The following KLHL9 variants were observed in gnomAD, a reference collection of about 807,000 sequenced individuals.
KLHL9 encodes kelch like family member 9.
A neutral mutation model predicts 42.3 loss-of-function variants in KLHL9; 27 were observed. The observed-to-expected ratio is 0.64, with a 90% CI of 0.47 to 0.88. The LOEUF (loss-of-function observed/expected upper bound fraction) is 0.88, where lower values mean the gene tolerates loss of function less well. KLHL9 is among the 40% of genes least tolerant of loss of function. The pLI is 0.00. For missense variants in KLHL9, 629 were observed against 750.3 expected (o/e 0.84, Z 1.89); for synonymous variants, 274 against 254.4 (o/e 1.08, Z -0.73).
rs1820225518 is a variant in KLHL9, at chr9:21,334,232, A to C, written c.628T>G (p.Cys210Gly). Residue 210 changes from cysteine (C) to glycine (G), a missense_variant, in exon 1 of 1, where the codon TGT (cysteine) becomes GGT (glycine). Coordinates refer to ENST00000359039, the MANE Select transcript of KLHL9 (RefSeq NM_018847.4). This position sits in a 1 kb window ranked among gnomAD's most constrained non-coding sequence, Gnocchi z 5.1. ...GCCTTAAAGAGTTCAAGTTCGGTAC[A>C]GTGCTTAAGACTATTACTGGAAAGC... is the stretch of plus-strand genomic sequence containing the variant. Reference protein sequence around the residue: ...FVLSSNSLKHCTELELFKAAC... With the variant: ...FVLSSNSLKHGTELELFKAAC... The C allele has an allele frequency of 1.2e-6, 2 of 1,614,204 alleles. No individual in the cohort carries two copies. The highest frequency in any genetic ancestry group is 4.5e-5 in the East Asian group (2 of 44,890).
Position 21,332,761 on chromosome 9 carries a change from T to C in KLHL9, c.*245A>G, listed in dbSNP as rs1167029961. 5 of 520,200 alleles carry C rather than the reference T, an allele frequency of 9.6e-6. No homozygotes were observed. Among genetic ancestry groups the C allele is most frequent in the Non-Finnish European group, 1.6e-5 (5 of 307,528 alleles). The allele number at this position is 520,200 out of a possible 1,614,324, so 32.2% of individuals were successfully genotyped here. On this transcript the variant is annotated 3_prime_UTR_variant, in exon 1 of 1. Coordinates refer to ENST00000359039, the MANE Select transcript of KLHL9 (RefSeq NM_018847.4). ...TACCACAGTCATCTACAATTTTATA[T>C]AACATCACAAAAAGACATCTAAACA...
In KLHL9 at chr9:21,334,170, C is replaced by T. The variant is rs756220127; in HGVS notation, c.690G>A (p.Met230Ile). 3.7e-6 allele frequency: 6 copies of T among 1,614,072 alleles called. No individual in the cohort carries two copies. The highest frequency in any genetic ancestry group is 5.1e-6 in the Non-Finnish European group (6 of 1,180,052). ...CRWLRLEDPR[M>I]DYAAKLMKNI... ...TCTTCATTAACTTTGCAGCATAATCCATCCGAGGGTCTTCCAACCTTAGCC... is the reference window on the plus strand; with the variant it reads ...TCTTCATTAACTTTGCAGCATAATCTATCCGAGGGTCTTCCAACCTTAGCC... Residue 230 changes from methionine to isoleucine, a missense_variant, in exon 1 of 1, where the codon ATG becomes ATA. Met to Ile is a conservative substitution (Grantham distance 10, BLOSUM62 1). This residue lies in a region of KLHL9 where 351 missense variants were observed against 363.1 expected (regional missense o/e 0.97). Transcript: ENST00000359039. This position sits in a 1 kb window ranked among gnomAD's most constrained non-coding sequence, Gnocchi z 5.1.
At position 21,332,742 on chromosome 9, in the gene KLHL9, A is replaced by C. The variant is rs1466598843; in HGVS notation, c.*264T>G. On this transcript the variant is annotated 3_prime_UTR_variant, in exon 1 of 1. Transcript: ENST00000359039. ...ATGGACATAATTACACATTTACCAC[A>C]GTCATCTACAATTTTATATAACATC... The C allele has an allele frequency of 2.2e-6, 1 of 448,744 alleles. No homozygotes were observed. Among genetic ancestry groups the C allele is most frequent in the Non-Finnish European group, 3.9e-6 (1 of 257,348 alleles). The allele number at this position is 448,744 out of a possible 1,614,324, so 27.8% of individuals were successfully genotyped here. A position where few individuals can be genotyped will look rare whatever the true frequency, so the allele number is the denominator to read the frequency against.
chr9:21,333,119 G>T lies in KLHL9; in HGVS notation c.1741C>A (p.Pro581Thr). The change falls in exon 1 of 1, where the codon CCA becomes ACA. Residue 581 changes from proline (P) to threonine (T), a missense_variant. Around this residue, in one of 4 missense-constraint regions of KLHL9, gnomAD observed 61 missense variants for 63.5 expected, o/e 0.96. Coordinates refer to ENST00000359039, the MANE Select transcript of KLHL9 (RefSeq NM_018847.4). This position sits in a 1 kb window ranked among gnomAD's most constrained non-coding sequence, Gnocchi z 7.5. ...GCTCGAATGCCACCAAGTGACTCTG[G>T]AAGATCAAAAACTTTATGCCACTCA... ...KDEWHKVFDL[P>T]ESLGGIRACT... is the part of the protein sequence containing the mutation. 1 of 1,614,132 alleles carries T rather than the reference G, an allele frequency of 6.2e-7. No homozygotes were observed. Among genetic ancestry groups the T allele is most frequent in the Non-Finnish European group, 8.5e-7 (1 of 1,180,008 alleles).
At position 21,330,914 on chromosome 9, in the gene KLHL9, C is replaced by A. The variant is rs1175100018; in HGVS notation, c.*2092G>T. Reference sequence around the variant, plus strand: ...CTCCAGACTGCACAACAGTGAGACCCTGTCTCAAAAAAAAAAAAAGACAAA... The same window carrying A: ...CTCCAGACTGCACAACAGTGAGACCATGTCTCAAAAAAAAAAAAAGACAAA... On this transcript the variant is annotated 3_prime_UTR_variant, in exon 1 of 1. Transcript: ENST00000359039. 1 of 150,682 alleles carries A rather than the reference C, an allele frequency of 6.6e-6. No individual in the cohort carries two copies. The highest frequency in any genetic ancestry group is 2.0e-4 in the East Asian group (1 of 5,094). The allele number at this position is 150,682 out of a possible 1,614,324, so 9.3% of individuals were successfully genotyped here.
At position 21,332,988 on chromosome 9, in the gene KLHL9, A is replaced by C. The variant is rs932509381; in HGVS notation, c.*18T>G. On this transcript the variant is annotated 3_prime_UTR_variant, in exon 1 of 1. Coordinates refer to ENST00000359039, the MANE Select transcript of KLHL9 (RefSeq NM_018847.4). ...TTAGATCACCCATGACGTACTGCAA[A>C]GGTGTTACACCTTAGACCTAAGAAT... 6.2e-7 allele frequency: 1 copy of C among 1,614,016 alleles called. No homozygotes were observed.
At position 21,335,170 on chromosome 9, in the gene KLHL9, C is replaced by A. The variant is rs999202335; in HGVS notation, c.-311G>T. On this transcript the variant is annotated 5_prime_UTR_variant, in exon 1 of 1. Transcript: ENST00000359039. ...GCTCCTTCAGCAGTTCCGCTTCGGG[C>A]AAGGAAGAGGCGCCGCCACGTACTG... 4.7e-5 allele frequency: 24 copies of A among 514,550 alleles called. No individual in the cohort carries two copies. Among genetic ancestry groups the A allele is most frequent in the Admixed American group, 3.7e-5 (1 of 26,760 alleles). The allele number at this position is 514,550 out of a possible 1,614,324, so 31.9% of individuals were successfully genotyped here.
At position 21,333,461 on chromosome 9, in the gene KLHL9, C is replaced by G; in HGVS notation, c.1399G>C (p.Asp467His). The G allele has an allele frequency of 1.9e-6, 3 of 1,614,184 alleles. No individual in the cohort carries two copies. Among genetic ancestry groups the G allele is most frequent in the Non-Finnish European group, 1.7e-6 (2 of 1,180,030 alleles). The change falls in exon 1 of 1, where the codon GAC becomes CAC. Residue 467 changes from aspartate to histidine, a missense_variant. Around this residue, in one of 4 missense-constraint regions of KLHL9, gnomAD observed 214 missense variants for 305.8 expected, o/e 0.70. Transcript: ENST00000359039. This position sits in a 1 kb window ranked among gnomAD's most constrained non-coding sequence, Gnocchi z 7.5. ...TGCATCCATTTATCTGTATCTGGGT[C>G]AAAACACATGAGCTCATTTTGGAAA... ...DTFQNELMCF[D>H]PDTDKWMQKA...
rs759627583 is a variant in KLHL9, at chr9:21,334,374, G to A, written c.486C>T (p.Asn162=). The A allele has an allele frequency of 1.2e-6, 2 of 1,613,540 alleles. No individual in the cohort carries two copies. Among genetic ancestry groups the A allele is most frequent in the Non-Finnish European group, 1.7e-6 (2 of 1,179,756 alleles). The change falls in exon 1 of 1, where the codon AAC becomes AAT. Residue 162 remains asparagine (N), a synonymous_variant. Coordinates refer to ENST00000359039, the MANE Select transcript of KLHL9 (RefSeq NM_018847.4). This position sits in a 1 kb window ranked among gnomAD's most constrained non-coding sequence, Gnocchi z 5.1. ...DNCVEVGRIA[N]TYNLIEVDKY... is the part of the protein sequence containing the mutation. ...TATCCACTTCTATAAGATTGTAGGT[G>A]TTAGCAATTCGTCCAACCTCAACAC...
At position 21,330,397 on chromosome 9, in the gene KLHL9, A is replaced by G. The variant is rs1055038418; in HGVS notation, c.*2609T>C. On this transcript the variant is annotated 3_prime_UTR_variant, in exon 1 of 1. Transcript: ENST00000359039. ...CTCAAAAAGTTTTAAATTTTGGAGC[A>G]ATTTGGATTTTTGGATTAGGGCTGC... The G allele has an allele frequency of 6.6e-6, 1 of 152,142 alleles. No individual in the cohort carries two copies. The highest frequency in any genetic ancestry group is 1.9e-4 in the East Asian group (1 of 5,192). The allele number at this position is 152,142 out of a possible 1,614,324, so 9.4% of individuals were successfully genotyped here. A position where few individuals can be genotyped will look rare whatever the true frequency, so the allele number is the denominator to read the frequency against.
Position 21,332,848 on chromosome 9 carries a change from T to C in KLHL9, c.*158A>G, listed in dbSNP as rs1306703850. The C allele has an allele frequency of 9.0e-7, 1 of 1,116,122 alleles. No homozygotes were observed. Among genetic ancestry groups the C allele is most frequent in the Non-Finnish European group, 1.2e-6 (1 of 813,588 alleles). 69.1% of individuals were successfully genotyped at this position (1,116,122 alleles called of 1,614,324 possible). ...ATGTTAAATACATTTTCAGAATGCA[T>C]TTGTTAGCCACTTGATAAACATACT... On this transcript the variant is annotated 3_prime_UTR_variant, in exon 1 of 1. Transcript: ENST00000359039.
At position 21,335,181 on chromosome 9, in the gene KLHL9, CGCCGCCACGTACTGTG is replaced by C; in HGVS notation, c.-338_-323del. On this transcript the variant is annotated 5_prime_UTR_variant, in exon 1 of 1. Coordinates refer to ENST00000359039, the MANE Select transcript of KLHL9 (RefSeq NM_018847.4). ...AGTTCCGCTTCGGGCAAGGAAGAGG[CGCCGCCACGTACTGTG>C]GCTCCACGGCCCGCTCGGCGGCGGG... The C allele has an allele frequency of 3.9e-6, 2 of 511,816 alleles. No individual in the cohort carries two copies. The highest frequency in any genetic ancestry group is 7.0e-6 in the Non-Finnish European group (2 of 283,936). 31.7% of individuals were successfully genotyped at this position (511,816 alleles called of 1,614,324 possible). A position where few individuals can be genotyped will look rare whatever the true frequency, so the allele number is the denominator to read the frequency against.
chr9:21,332,808 T>A lies in KLHL9; in HGVS notation c.*198A>T. 1 of 757,674 alleles carries A rather than the reference T, an allele frequency of 1.3e-6. No homozygotes were observed. Among genetic ancestry groups the A allele is most frequent in the Non-Finnish European group, 1.9e-6 (1 of 513,178 alleles). The allele number at this position is 757,674 out of a possible 1,614,324, so 46.9% of individuals were successfully genotyped here. A position where few individuals can be genotyped will look rare whatever the true frequency, so the allele number is the denominator to read the frequency against. On this transcript the variant is annotated 3_prime_UTR_variant, in exon 1 of 1. Transcript: ENST00000359039. Reference sequence around the variant, plus strand: ...AACATTTTTCTACGTCTTTTTTTCATTTGTTAAAACAGCTATGTTAAATAC... The same window carrying A: ...AACATTTTTCTACGTCTTTTTTTCAATTGTTAAAACAGCTATGTTAAATAC...
rs971120712 is a variant in KLHL9 at position 21,332,603 on chromosome 9, G to C, written c.*403C>G. Reference sequence around the variant, plus strand: ...AGTTGACAGACATGACAAAAACTACGAAAAGAGGGAGGTAACTAGTATTAA... The same window carrying C: ...AGTTGACAGACATGACAAAAACTACCAAAAGAGGGAGGTAACTAGTATTAA... On this transcript the variant is annotated 3_prime_UTR_variant, in exon 1 of 1. Transcript: ENST00000359039. The C allele has an allele frequency of 5.9e-6, 1 of 169,684 alleles. No individual in the cohort carries two copies. The highest frequency in any genetic ancestry group is 2.4e-5 in the African/African-American group (1 of 41,656). 10.5% of individuals were successfully genotyped at this position (169,684 alleles called of 1,614,324 possible).
At position 21,333,614 on chromosome 9, in the gene KLHL9, C is replaced by T; in HGVS notation, c.1246G>A (p.Val416Ile). 1 of 1,614,238 alleles carries T rather than the reference C, an allele frequency of 6.2e-7. No individual in the cohort carries two copies. Among genetic ancestry groups the T allele is most frequent in the Non-Finnish European group, 8.5e-7 (1 of 1,180,042 alleles). The change falls in exon 1 of 1, where the codon GTA (valine) becomes ATA (isoleucine). Residue 416 changes from valine to isoleucine, a missense_variant. Val to Ile is a conservative substitution (Grantham distance 29). Transcript: ENST00000359039. The surrounding 1 kb of genome is among the most constrained non-coding windows in gnomAD (Gnocchi z 7.5). ...GRSAAGELAT[V>I]ECYNPRMNEW... is the part of the protein sequence containing the mutation. ...TTCATTCTTGGGTTGTAACATTCTA[C>T]TGTGGCCAGTTCACCAGCTGCACTG...
rs938894244 is a variant in KLHL9, at chr9:21,334,812, C to T, written c.48G>A (p.Leu16=). ...GTGTGGTTCCTGCCTTACAAGGCTG[C>T]AAATGGGCAGAGACGCCCATTTCGC... ...GNGEMGVSAH[L]QPCKAGTTRF... Residue 16 remains leucine, a synonymous_variant, in exon 1 of 1, where the codon TTG becomes TTA. Transcript: ENST00000359039. The surrounding 1 kb of genome is among the most constrained non-coding windows in gnomAD (Gnocchi z 5.1). 7 of 1,613,534 alleles carry T rather than the reference C, an allele frequency of 4.3e-6. No individual in the cohort carries two copies. The highest frequency in any genetic ancestry group is 5.9e-6 in the Non-Finnish European group (7 of 1,179,816).
rs946585379 is a variant in KLHL9, at chr9:21,335,144, C to A, written c.-285G>T. 9 of 533,870 alleles carry A rather than the reference C, an allele frequency of 1.7e-5. No individual in the cohort carries two copies. In the South Asian group the frequency reaches 1.8e-4, roughly 11 times the overall value. 33.1% of individuals were successfully genotyped at this position (533,870 alleles called of 1,614,324 possible). The stretch of plus-strand genomic sequence containing the variant: ...GTTCACCTCGTCCGGCCTGCGCTGC[C>A]GCTCCTTCAGCAGTTCCGCTTCGGG... On this transcript the variant is annotated 5_prime_UTR_variant, in exon 1 of 1. Transcript: ENST00000359039.
In KLHL9 at chr9:21,333,606, A is replaced by G. The variant is rs1341656575; in HGVS notation, c.1254T>C (p.Cys418=). The G allele has an allele frequency of 6.2e-7, 1 of 1,614,082 alleles. No individual in the cohort carries two copies. The highest frequency in any genetic ancestry group is 8.5e-7 in the Non-Finnish European group (1 of 1,180,040). ...SAAGELATVE[C]YNPRMNEWSY... Reference sequence around the variant, plus strand: ...TCCACTCATTCATTCTTGGGTTGTAACATTCTACTGTGGCCAGTTCACCAG... The same window carrying G: ...TCCACTCATTCATTCTTGGGTTGTAGCATTCTACTGTGGCCAGTTCACCAG... The change falls in exon 1 of 1, where the codon TGT becomes TGC. Residue 418 remains cysteine, a synonymous_variant. Coordinates refer to ENST00000359039, the MANE Select transcript of KLHL9 (RefSeq NM_018847.4). The surrounding 1 kb of genome is among the most constrained non-coding windows in gnomAD (Gnocchi z 7.5).
chr9:21,333,835 A>C lies in KLHL9; in HGVS notation c.1025T>G (p.Ile342Ser). 1 of 1,613,976 alleles carries C rather than the reference A, an allele frequency of 6.2e-7. No homozygotes were observed. Among genetic ancestry groups the C allele is most frequent in the Non-Finnish European group, 8.5e-7 (1 of 1,179,998 alleles). ...ATAAAGAAAGTTTCCAATGACAGCA[A>C]TACCATGCTGGTAACGGGGAGCATC... ...PMDAPRYQHG[I>S]AVIGNFLYVV... The change falls in exon 1 of 1, where the codon ATT becomes AGT. Residue 342 changes from isoleucine (I) to serine (S), a missense_variant. Ile to Ser is a moderately radical substitution (Grantham distance 142, BLOSUM62 -2). Around this residue, in one of 4 missense-constraint regions of KLHL9, gnomAD observed 214 missense variants for 305.8 expected, o/e 0.70. Coordinates refer to ENST00000359039, the MANE Select transcript of KLHL9 (RefSeq NM_018847.4). This position sits in a 1 kb window ranked among gnomAD's most constrained non-coding sequence, Gnocchi z 7.5.
Sources: gnomAD v4.1 joint callset for allele counts on GRCh38, gnomAD v4.1.1 for gene constraint, gnomAD v4.1.1 regional missense constraint, Gnocchi (gnomAD v3.1) non-coding constraint, MANE v1.5 for transcripts, NCBI Gene and HGNC (gene_info 2026-07-23, HGNC 2026-07-21) for gene names.